CHN2: variants seen among roughly 807,000 people sequenced by gnomAD.
CHN2 encodes the protein beta-chimaerin.
CHN2 carries 35 observed loss-of-function variants against 56.3 expected under a neutral mutation model. That is an observed-to-expected ratio of 0.62 (90% CI 0.47 to 0.82). CHN2 has a LOEUF of 0.82. CHN2 is among the 40% of genes least tolerant of loss of function. The pLI, the probability that CHN2 is intolerant of heterozygous loss-of-function variation, is 0.00. For missense variants in CHN2, 491 were observed against 580.5 expected (o/e 0.85, Z 1.58); for synonymous variants, 210 against 212.8 (o/e 0.99, Z 0.12).
At chr7:29,498,221 G>C (rs1187897796) in intron 8 of CHN2, among the ~76,000 whole-genome samples, 1 of 152,218 alleles carries the variant, frequency 6.6e-6, no homozygotes, top group African/African-American at 2.4e-5. Flanking sequence ...CTATATTTCA[G>C]ACACTATGCT....
chr7:29,403,433 C>T (rs6974280), intron 6 of CHN2, among the ~76,000 whole-genome samples: 5,007 of 152,176 alleles, frequency 0.033, 278 homozygotes, highest in African/African-American at 0.11. Context: ...CCAGCATTTC[C>T]GTTTCCAGGT....
chr7:29,483,804 C>T (rs1787632683), intron 7 of CHN2: 32 of 1,161,666 alleles, frequency 2.8e-5, no homozygotes, highest in Non-Finnish European at 3.1e-5. Flanking sequence ...CGGCTTCCTG[C>T]CCACACTTAG....
intron 1 of CHN2, among the ~76,000 whole-genome samples, chr7:29,282,617 G>C (rs149148447): frequency 6.8e-4 from 104 of 152,264 alleles, no homozygotes; most frequent in African/African-American, 2.4e-3. Context: ...TATTTTGAAA[G>C]ATAAAACATT....
intron 1 of CHN2, among the ~76,000 whole-genome samples, chr7:29,257,467 C>G: frequency 6.6e-6 from 1 of 152,218 alleles, no homozygotes; most frequent in Admixed American, 6.5e-5. Context: ...TGACTGCTCC[C>G]TCTCCTCCAC....
chr7:29,504,940 C>T (rs1038165924), intron 10 of CHN2, 119 bp downstream of exon 10: 14 of 663,992 alleles, frequency 2.1e-5, no homozygotes, highest in East Asian at 7.9e-5. Flanking sequence ...CTTCAAGAAA[C>T]GGAGGAATAA....
Position 29,233,709 on chromosome 7 carries a change from G to C in CHN2, c.49+38719G>C, listed in dbSNP as rs114003130. On this transcript the variant is annotated intron_variant, in intron 1 of 12. Coordinates refer to ENST00000222792, the MANE Select transcript of CHN2 (RefSeq NM_004067.4). Reference sequence around the variant, plus strand: ...GACTCAACGGGCCATTGCTGGCCCTGAAGATGCAAGGAGACCACCAGCCCA... The same window carrying C: ...GACTCAACGGGCCATTGCTGGCCCTCAAGATGCAAGGAGACCACCAGCCCA... Among the ~76,000 whole-genome samples, 709 of 150,686 alleles carry C rather than the reference G, an allele frequency of 4.7e-3. 2 individuals carry two copies. The highest frequency in any genetic ancestry group is 0.016 in the African/African-American group (656 of 40,292).
chr7:29,272,864 G>C (rs1274217381), intron 1 of CHN2, among the ~76,000 whole-genome samples: 1 of 152,028 alleles, frequency 6.6e-6, no homozygotes, highest in Non-Finnish European at 1.5e-5. Context: ...ACAGTAAAAT[G>C]GTTACAATAG....
intron 6 of CHN2, among the ~76,000 whole-genome samples, chr7:29,405,273 T>C (rs1802562042): frequency 1.3e-5 from 2 of 149,782 alleles, no homozygotes; most frequent in Middle Eastern, 7.1e-3. Flanking sequence ...CTCAACCCGA[T>C]GCTGATAGGA....
In CHN2 at chr7:29,463,748, G is replaced by A. The variant is rs558134117; in HGVS notation, c.577-16531G>A. On this transcript the variant is annotated intron_variant, in intron 6 of 12. Transcript: ENST00000222792. ...ATGCTGGGATTCAGATGACACCCTG[G>A]GCTCTGACTAGCAAGACATCATAGC... is the stretch of plus-strand genomic sequence containing the variant. Among the ~76,000 whole-genome samples, 8 of 152,210 alleles carry A rather than the reference G, an allele frequency of 5.3e-5. No individual in the cohort carries two copies. In the East Asian group the frequency reaches 1.5e-3, roughly 29 times the overall value.
chr7:29,431,123 A>G (rs10281343), intron 6 of CHN2, among the ~76,000 whole-genome samples: 33,137 of 152,060 alleles, frequency 0.22, 4,118 homozygotes, highest in East Asian at 0.46. Flanking sequence ...ATAGAATATG[A>G]TCAAAGTGCA....
At chr7:29,260,309 G>A (rs1789430479) in intron 1 of CHN2, among the ~76,000 whole-genome samples, 1 of 152,156 alleles carries the variant, frequency 6.6e-6, no homozygotes, top group African/African-American at 2.4e-5. Context: ...AGTCATGTCA[G>A]TGCATTATCC....
At chr7:29,274,270 T>C (rs2128852273) in intron 1 of CHN2, among the ~76,000 whole-genome samples, 1 of 152,344 alleles carries the variant, frequency 6.6e-6, no homozygotes. Context: ...CTTTCCCTGC[T>C]TTTCAGCATC....
intron 6 of CHN2, among the ~76,000 whole-genome samples, chr7:29,440,719 A>G (rs1783585901): frequency 6.7e-6 from 1 of 149,246 alleles, no homozygotes; most frequent in Non-Finnish European, 1.5e-5. Flanking sequence ...AAAAGAATGC[A>G]CAGAGAGGAA....
At chr7:29,479,888 C>A in intron 6 of CHN2, 1 of 1,406,490 alleles carries the variant, frequency 7.1e-7, no homozygotes, top group Non-Finnish European at 9.2e-7. Flanking sequence ...AGGCGCACGT[C>A]GGCCTTAAGA....
intron 9 of CHN2, among the ~76,000 whole-genome samples, chr7:29,500,713 T>C (rs965563582): frequency 1.3e-5 from 2 of 152,190 alleles, no homozygotes; most frequent in African/African-American, 4.8e-5. Flanking sequence ...AAAAAGGTGC[T>C]TCTGTTAAAT....
intron 2 of CHN2, among the ~76,000 whole-genome samples, chr7:29,365,689 A>G (rs1218598062): frequency 6.6e-6 from 1 of 152,214 alleles, no homozygotes; most frequent in African/African-American, 2.4e-5. Context: ...GAGGAAACCA[A>G]CTTGGCTGAG....
At chr7:29,213,815 A>G (rs2128783471) in intron 1 of CHN2, among the ~76,000 whole-genome samples, 1 of 152,316 alleles carries the variant, frequency 6.6e-6, no homozygotes, top group Non-Finnish European at 1.5e-5. Context: ...GAATGAAACA[A>G]CTATTTTTCC....
intron 6 of CHN2, among the ~76,000 whole-genome samples, chr7:29,407,501 A>AT (rs774393202): frequency 6.6e-6 from 1 of 152,190 alleles, no homozygotes; most frequent in Non-Finnish European, 1.5e-5. Flanking sequence ...GATCACTTGC[A>AT]TTACAGGGTC....
intron 2 of CHN2, among the ~76,000 whole-genome samples, chr7:29,356,433 C>T (rs1346231879): frequency 6.6e-6 from 1 of 152,140 alleles, no homozygotes; most frequent in Non-Finnish European, 1.5e-5. Context: ...AATTTCCCAA[C>T]ATCCACAAAT....
Sources: gnomAD v4.1 joint callset for allele counts (sites outside exome capture counted in the v4.1 genomes callset) on GRCh38, gnomAD v4.1.1 for gene constraint, MANE v1.5 for transcripts, NCBI Gene and HGNC (gene_info 2026-07-23, HGNC 2026-07-21) for gene names.